FYN: variants seen among roughly 807,000 people sequenced by gnomAD.
The protein encoded by FYN is tyrosine-protein kinase Fyn.
Under a neutral mutation model 70.2 loss-of-function variants are expected in FYN, and 10 were observed. The observed-to-expected ratio is 0.14, with a 90% CI of 0.09 to 0.24. The LOEUF (loss-of-function observed/expected upper bound fraction) is 0.24. Among genes scored for constraint, FYN ranks in the 10% least tolerant of loss-of-function variants. FYN has a pLI of 1.00. For missense variants in FYN, 319 were observed against 673.1 expected (o/e 0.47, Z 5.82); for synonymous variants, 236 against 248.6 (o/e 0.95, Z 0.48).
intron 2 of FYN, among the ~76,000 whole-genome samples, chr6:111,815,454 T>C (rs1772456564): frequency 6.6e-6 from 1 of 152,142 alleles, no homozygotes; most frequent in South Asian, 2.1e-4. Flanking sequence ...TACAAATAAA[T>C]AGCAACACAA....
At chr6:111,757,718 T>A (rs1207714246) in intron 3 of FYN, among the ~76,000 whole-genome samples, 1 of 152,232 alleles carries the variant, frequency 6.6e-6, no homozygotes, top group Admixed American at 6.5e-5. Context: ...GTTCTTCATT[T>A]ACATGAAGAT....
At chr6:111,711,607 G>A (rs1044312708) in intron 5 of FYN, among the ~76,000 whole-genome samples, 5 of 152,174 alleles carry the variant, frequency 3.3e-5, no homozygotes, top group Admixed American at 1.3e-4. Context: ...GGCCTCCAGC[G>A]CCACCAGGGC....
At chr6:111,705,222 G>A (rs1281891333) in intron 6 of FYN, among the ~76,000 whole-genome samples, 1 of 152,068 alleles carries the variant, frequency 6.6e-6, no homozygotes, top group East Asian at 1.9e-4. Flanking sequence ...TAAAGGAATA[G>A]TATTTTCAAT....
At chr6:111,693,778 C>T (rs1054354427) in intron 12 of FYN, among the ~76,000 whole-genome samples, 2 of 152,114 alleles carry the variant, frequency 1.3e-5, no homozygotes, top group African/African-American at 2.4e-5. Flanking sequence ...ACCTCTACTT[C>T]TGGTTGGGTC....
At chr6:111,870,339 G>A (rs1374510051) in intron 1 of FYN, among the ~76,000 whole-genome samples, 2 of 152,194 alleles carry the variant, frequency 1.3e-5, no homozygotes, top group Non-Finnish European at 2.9e-5. Flanking sequence ...GTCACTGCAT[G>A]GAGGAAAGCC....
chr6:111,795,857 A>G (rs916905292), intron 2 of FYN, among the ~76,000 whole-genome samples: 1 of 152,226 alleles, frequency 6.6e-6, no homozygotes, highest in African/African-American at 2.4e-5. Flanking sequence ...CTTATGTATT[A>G]TTTCTCATGA....
At chr6:111,867,802 T>C (rs745774911) in intron 1 of FYN, among the ~76,000 whole-genome samples, 13 of 152,348 alleles carry the variant, frequency 8.5e-5, no homozygotes, top group Non-Finnish European at 1.8e-4. Flanking sequence ...CAAAGGCCCA[T>C]ACTGTGGCCA....
chr6:111,735,976 A>C (rs1391398600), intron 3 of FYN, among the ~76,000 whole-genome samples: 2 of 152,234 alleles, frequency 1.3e-5, no homozygotes, highest in African/African-American at 4.8e-5. Context: ...AGTGAGAAAT[A>C]GGCTTGCACA....
At chr6:111,850,850 T>C (rs1253923689) in intron 1 of FYN, among the ~76,000 whole-genome samples, 1 of 152,196 alleles carries the variant, frequency 6.6e-6, no homozygotes, top group Non-Finnish European at 1.5e-5. Flanking sequence ...GTTAGGCGCC[T>C]GAGACAGGAC....
chr6:111,774,939 G>A (rs894136388), intron 3 of FYN, among the ~76,000 whole-genome samples: 1 of 152,072 alleles, frequency 6.6e-6, no homozygotes, highest in Non-Finnish European at 1.5e-5. Context: ...GGCTGGACTC[G>A]AACTCCTGAC....
intron 12 of FYN, among the ~76,000 whole-genome samples, chr6:111,685,048 A>C (rs193120625): frequency 5.9e-5 from 9 of 152,388 alleles, no homozygotes; most frequent in South Asian, 2.1e-4. Context: ...AAACAGAATA[A>C]AAATTCTGAT....
At chr6:111,762,240 TG>T (rs1471646967) in intron 3 of FYN, among the ~76,000 whole-genome samples, 1 of 152,210 alleles carries the variant, frequency 6.6e-6, no homozygotes, top group Non-Finnish European at 1.5e-5. Context: ...GGAGAGGCTT[TG>T]CTTCTGCATC....
At chr6:111,858,284 C>A (rs114811877) in intron 1 of FYN, 7 of 152,186 alleles carry the variant, frequency 4.6e-5, no homozygotes, top group Non-Finnish European at 8.8e-5. Flanking sequence ...GGGTCGCTCA[C>A]CTACCTGGGC....
intron 2 of FYN, among the ~76,000 whole-genome samples, chr6:111,785,773 A>G (rs1771348193): frequency 6.6e-6 from 1 of 150,438 alleles, no homozygotes; most frequent in Admixed American, 6.6e-5. Context: ...GCACCCATTA[A>G]CTCGTCATTT....
At chr6:111,786,917 A>AT (rs561282868) in intron 2 of FYN, among the ~76,000 whole-genome samples, 27 of 151,802 alleles carry the variant, frequency 1.8e-4, no homozygotes, top group Admixed American at 7.9e-4. Flanking sequence ...GGGTTGTTTG[A>AT]TTTTTTCTTG....
At chr6:111,786,220 C>T (rs1427728976) in intron 2 of FYN, among the ~76,000 whole-genome samples, 1 of 152,024 alleles carries the variant, frequency 6.6e-6, no homozygotes, top group African/African-American at 2.4e-5. Context: ...TCCCCACAAC[C>T]CATGACAGGC....
At chr6:111,853,996 C>T in intron 1 of FYN, among the ~76,000 whole-genome samples, 1 of 152,196 alleles carries the variant, frequency 6.6e-6, no homozygotes, top group East Asian at 1.9e-4. Flanking sequence ...TGATTTTCTA[C>T]CCAGGTTGAC....
intron 3 of FYN, among the ~76,000 whole-genome samples, chr6:111,744,559 T>C (rs1802123326): frequency 1.3e-5 from 2 of 152,208 alleles, no homozygotes; most frequent in Admixed American, 6.5e-5. Context: ...CCTGGGAACT[T>C]GTTCTTTGGA....
At chr6:111,664,414 G>T (rs145214443) in intron 13 of FYN, among the ~76,000 whole-genome samples, 1 of 152,064 alleles carries the variant, frequency 6.6e-6, no homozygotes, top group Admixed American at 6.5e-5. Context: ...TCCACAGAGC[G>T]CATGTCAGTA....
Sources: gnomAD v4.1 joint callset for allele counts (sites outside exome capture counted in the v4.1 genomes callset) on GRCh38, gnomAD v4.1.1 for gene constraint, MANE v1.5 for transcripts, NCBI Gene and HGNC (gene_info 2026-07-23, HGNC 2026-07-21) for gene names.